Variants in SCMH1 observed in about 807,000 individuals in gnomAD.
SCMH1 encodes Scm polycomb group protein homolog 1.
Under a neutral mutation model 70.8 loss-of-function variants are expected in SCMH1, and 37 were observed. That is an observed-to-expected ratio of 0.52 (90% CI 0.40 to 0.69). SCMH1 has a LOEUF of 0.69. SCMH1 is among the 30% of genes least tolerant of loss of function. The pLI is 0.00. For synonymous variants in SCMH1, 292 were observed against 307.4 expected (o/e 0.95, Z 0.52); for missense variants, 607 against 827.3 (o/e 0.73, Z 3.27).
At chr1:41,203,638 C>T (rs1485714975) in intron 1 of SCMH1, among the ~76,000 whole-genome samples, 2 of 152,180 alleles carry the variant, frequency 1.3e-5, no homozygotes, top group Non-Finnish European at 2.9e-5. Context: ...TGTGGGTTTA[C>T]TGGAATGAAG....
rs1200305689 is a variant in SCMH1 at position 41,113,629 on chromosome 1, G to A, written c.502-103C>T. The A allele has an allele frequency of 8.3e-7, 1 of 1,210,150 alleles. No homozygotes were observed. Among genetic ancestry groups the A allele is most frequent in the Non-Finnish European group, 1.1e-6 (1 of 880,556 alleles). 75.0% of individuals were successfully genotyped at this position (1,210,150 alleles called of 1,614,324 possible). On this transcript the variant is annotated intron_variant, in intron 7 of 14. Transcript: ENST00000337495. This position sits in a 1 kb window ranked among gnomAD's most constrained non-coding sequence, Gnocchi z 4.3. ...TGATTAAAAAGTGACTGCTACATGA[G>A]ACTTATAATGGATATATAGCCTTTC...
In SCMH1 at chr1:41,159,040, A is replaced by G. The variant is rs555367463; in HGVS notation, c.106+1835T>C. On this transcript the variant is annotated intron_variant, in intron 4 of 14. Transcript: ENST00000337495. ...AAACTTGAGGAGTTCAAGATAAGAC[A>G]TTTTACAAAAAATTCAAAATGTTGA... Among the ~76,000 whole-genome samples, 84 of 152,340 alleles carry G rather than the reference A, an allele frequency of 5.5e-4. 1 individual carries two copies. The highest frequency in any genetic ancestry group is 1.2e-3 in the Non-Finnish European group (79 of 68,030).
chr1:41,046,459 G>A (rs1161858240), exon 12 of SCMH1: 3 of 1,614,110 alleles, frequency 1.9e-6, no homozygotes, highest in African/African-American at 1.3e-5. Flanking sequence ...TGAGTGACAA[G>A]TGAGTCTGTG....
chr1:41,211,934 C>T (rs1657119205), intron 1 of SCMH1, among the ~76,000 whole-genome samples: 1 of 152,118 alleles, frequency 6.6e-6, no homozygotes, highest in South Asian at 2.1e-4. Context: ...CCAAACACCA[C>T]ATGTTCTCAC....
At chr1:41,100,179 G>C (rs1045555524) in intron 8 of SCMH1, among the ~76,000 whole-genome samples, 1 of 152,090 alleles carries the variant, frequency 6.6e-6, no homozygotes, top group Non-Finnish European at 1.5e-5. Context: ...AGATAAAAAA[G>C]AGCAAGTATC....
intron 8 of SCMH1, among the ~76,000 whole-genome samples, chr1:41,102,294 C>T (rs973341442): frequency 6.6e-6 from 1 of 152,184 alleles, no homozygotes; most frequent in Non-Finnish European, 1.5e-5. Context: ...TTTTCATTCA[C>T]AGTAGTGTAT....
At chr1:41,153,952 T>C (rs1645292843) in intron 4 of SCMH1, among the ~76,000 whole-genome samples, 1 of 152,172 alleles carries the variant, frequency 6.6e-6, no homozygotes, top group African/African-American at 2.4e-5. Context: ...AAGGACAATA[T>C]AATAAAAATT....
chr1:41,138,768 C>T (rs897673569), intron 6 of SCMH1, among the ~76,000 whole-genome samples: 7 of 152,140 alleles, frequency 4.6e-5, no homozygotes, highest in African/African-American at 1.7e-4. Context: ...TGCTGTGCAA[C>T]AGGTTTCCTC....
intron 2 of SCMH1, among the ~76,000 whole-genome samples, chr1:41,175,425 AATT>A (rs1647051444): frequency 6.6e-6 from 1 of 152,158 alleles, no homozygotes; most frequent in African/African-American, 2.4e-5. Flanking sequence ...ACTTAGACTA[AATT>A]ATGGCACCAG....
intron 8 of SCMH1, among the ~76,000 whole-genome samples, chr1:41,090,734 G>T (rs1375425412): frequency 1.3e-5 from 2 of 152,036 alleles, no homozygotes; most frequent in South Asian, 4.1e-4. Context: ...GCAAGTGGTA[G>T]TTTCTTTAAA....
chr1:41,047,154 C>A (rs1367005422), intron 11 of SCMH1, among the ~76,000 whole-genome samples: 5 of 152,088 alleles, frequency 3.3e-5, no homozygotes, highest in Admixed American at 2.6e-4. Flanking sequence ...AAAGCAAAGA[C>A]CTGTGTATTT....
chr1:41,070,522 G>C, intron 10 of SCMH1, 73 bp downstream of exon 10: 1 of 1,564,480 alleles, frequency 6.4e-7, no homozygotes, highest in Non-Finnish European at 8.7e-7. Context: ...GCTAATTACT[G>C]GTGTAAGACA....
chr1:41,169,105 C>A (rs932235463), intron 2 of SCMH1, among the ~76,000 whole-genome samples: 2 of 152,178 alleles, frequency 1.3e-5, no homozygotes, highest in Non-Finnish European at 1.5e-5. Flanking sequence ...TCCTACTGTA[C>A]GTCCACCTTT....
chr1:41,123,056 C>CA (rs1049537467), intron 6 of SCMH1, among the ~76,000 whole-genome samples: 1 of 152,112 alleles, frequency 6.6e-6, no homozygotes, highest in Non-Finnish European at 1.5e-5. Flanking sequence ...CCTGTTTCTA[C>CA]AAAAAATACA....
intron 13 of SCMH1, among the ~76,000 whole-genome samples, chr1:41,034,847 C>T (rs1645070181): frequency 6.6e-6 from 1 of 152,158 alleles, no homozygotes; most frequent in Non-Finnish European, 1.5e-5. Context: ...CACTGTTACT[C>T]ATAGATATCT....
rs977829301 is a variant in SCMH1 at position 41,151,476 on chromosome 1, C to T, written c.177+138G>A. ...CAGTGACCAAATTTTACTTCTTGAG[C>T]TGTGTTCTTCCCATAGAAGTTTATT... On this transcript the variant is annotated intron_variant, in intron 5 of 14. Coordinates refer to ENST00000337495, the Ensembl canonical transcript of SCMH1. 7.5e-6 allele frequency: 4 copies of T among 535,942 alleles called. No homozygotes were observed. In the Admixed American group the frequency reaches 8.8e-5, roughly 12 times the overall value. The allele number at this position is 535,942 out of a possible 1,614,324, so 33.2% of individuals were successfully genotyped here.
At chr1:41,154,775 TGTGA>T (rs1407315196) in intron 4 of SCMH1, among the ~76,000 whole-genome samples, 5 of 152,202 alleles carry the variant, frequency 3.3e-5, no homozygotes, top group Admixed American at 6.5e-5. Flanking sequence ...ACATATATAA[TGTGA>T]GTGTTTTCAA....
rs559793891 is a variant in SCMH1, at chr1:41,178,418, G to A, written c.13+7703C>T. Among the ~76,000 whole-genome samples, 9 of 152,268 alleles carry A rather than the reference G, an allele frequency of 5.9e-5. No individual in the cohort carries two copies. In the East Asian group the frequency reaches 1.5e-3, roughly 26 times the overall value. ...AACCTTAAATGTAAATGGGCTAAAT[G>A]CTCCAAGTAAAAGACACAGACTGGC... On this transcript the variant is annotated intron_variant, in intron 2 of 14. Transcript: ENST00000337495.
At chr1:41,199,861 C>T (rs908234828) in intron 1 of SCMH1, among the ~76,000 whole-genome samples, 1 of 152,068 alleles carries the variant, frequency 6.6e-6, no homozygotes, top group South Asian at 2.1e-4. Flanking sequence ...CACGTGTACC[C>T]CCTGAATCTA....
Sources: gnomAD v4.1 joint callset for allele counts (sites outside exome capture counted in the v4.1 genomes callset) on GRCh38, gnomAD v4.1.1 for gene constraint, Gnocchi (gnomAD v3.1) non-coding constraint, MANE v1.5 for transcripts, NCBI Gene and HGNC (gene_info 2026-07-23, HGNC 2026-07-21) for gene names.